OTUD7A: variants seen among roughly 807,000 people sequenced by gnomAD.
The protein encoded by OTUD7A is OTU deubiquitinase 7A, also known as OTU domain-containing protein 7A.
In OTUD7A, 12 loss-of-function variants were observed where a neutral mutation model predicts 65.7. The ratio of observed to expected loss-of-function variants is 0.18; its 90% confidence interval spans 0.12 to 0.30. The LOEUF (loss-of-function observed/expected upper bound fraction) is 0.30. Ranked by LOEUF, OTUD7A falls within the 10% of genes least tolerant of loss-of-function variation. The pLI, the probability that OTUD7A is intolerant of heterozygous loss-of-function variation, is 1.00. For missense variants in OTUD7A, 1,148 were observed against 1,304.8 expected (o/e 0.88, Z 1.85); for synonymous variants, 641 against 586.3 (o/e 1.09, Z -1.35).
intron 1 of OTUD7A, among the ~76,000 whole-genome samples, chr15:31,829,511 A>AT (rs1164154369): frequency 1.3e-5 from 2 of 152,196 alleles, no homozygotes; most frequent in Non-Finnish European, 1.5e-5. Flanking sequence ...GATACTAGAC[A>AT]TTGGGTTGTT....
intron 3 of OTUD7A, among the ~76,000 whole-genome samples, chr15:31,633,542 G>C (rs1891243640): frequency 6.6e-6 from 1 of 152,106 alleles, no homozygotes; most frequent in African/African-American, 2.4e-5. Context: ...CCCTCAAAAT[G>C]GTCGATCCAG....
intron 1 of OTUD7A, among the ~76,000 whole-genome samples, chr15:31,847,087 C>T (rs1897309757): frequency 6.6e-6 from 1 of 152,228 alleles, no homozygotes; most frequent in Admixed American, 6.5e-5. Context: ...CTGCCGTAGC[C>T]TGGGCATCCT....
At chr15:31,807,570 C>T (rs1896302543) in intron 1 of OTUD7A, among the ~76,000 whole-genome samples, 1 of 152,076 alleles carries the variant, frequency 6.6e-6, no homozygotes, top group Non-Finnish European at 1.5e-5. Flanking sequence ...CCAGTTTTGG[C>T]AGGATTATAG....
chr15:31,651,481 G>C (rs1221769452), intron 3 of OTUD7A, among the ~76,000 whole-genome samples: 1 of 151,068 alleles, frequency 6.6e-6, no homozygotes, highest in Non-Finnish European at 1.5e-5. Context: ...AATAAGACAA[G>C]AAAACCAGAA....
rs750201132 is a variant in OTUD7A, at chr15:31,484,746, G to A, written c.1372-22C>T. ...GCGCCTGTGTGGAGAGGGAGGGCCG[G>A]ATCGAAGGTGGTTAGAGAAGAGCTG... On this transcript the variant is annotated intron_variant, in intron 12 of 12. Coordinates refer to ENST00000307050, the MANE Select transcript of OTUD7A (RefSeq NM_001382637.1). The surrounding 1 kb of genome is among the most constrained non-coding windows in gnomAD (Gnocchi z 4.5). 1.3e-6 allele frequency: 2 copies of A among 1,586,442 alleles called. No homozygotes were observed. Among genetic ancestry groups the A allele is most frequent in the South Asian group, 2.3e-5 (2 of 88,710 alleles).
intron 3 of OTUD7A, among the ~76,000 whole-genome samples, chr15:31,629,674 GCTC>G (rs1432313903): frequency 3.3e-5 from 5 of 152,206 alleles, no homozygotes; most frequent in South Asian, 4.2e-4. Flanking sequence ...AATGGTACCA[GCTC>G]CTCCTTTTAC....
intron 1 of OTUD7A, among the ~76,000 whole-genome samples, chr15:31,800,106 TC>T (rs1258498747): frequency 6.6e-6 from 1 of 152,114 alleles, no homozygotes; most frequent in African/African-American, 2.4e-5. Flanking sequence ...GGAGCACACA[TC>T]CCATTTGTGG....
intron 1 of OTUD7A, among the ~76,000 whole-genome samples, chr15:31,710,243 C>T (rs969327650): frequency 7.4e-5 from 11 of 149,426 alleles, no homozygotes; most frequent in African/African-American, 2.2e-4. Flanking sequence ...ATCAGAAAAA[C>T]GTAGATATTA....
intron 1 of OTUD7A, among the ~76,000 whole-genome samples, chr15:31,739,820 C>A (rs1218957089): frequency 6.6e-6 from 1 of 152,240 alleles, no homozygotes; most frequent in Non-Finnish European, 1.5e-5. Flanking sequence ...GATCCACCCA[C>A]CTCAGCTTCC....
chr15:31,636,480 C>G (rs374961901), intron 3 of OTUD7A, among the ~76,000 whole-genome samples: 1 of 152,146 alleles, frequency 6.6e-6, no homozygotes, highest in East Asian at 1.9e-4. Flanking sequence ...TCAGGCCTCC[C>G]TATTCCCTGA....
intron 8 of OTUD7A, among the ~76,000 whole-genome samples, chr15:31,522,836 T>C (rs1240090523): frequency 6.6e-6 from 1 of 152,204 alleles, no homozygotes; most frequent in African/African-American, 2.4e-5. Context: ...CCTCTTCAGA[T>C]ACGTGACATA....
intron 1 of OTUD7A, among the ~76,000 whole-genome samples, chr15:31,815,654 G>A (rs1477419533): frequency 6.6e-6 from 1 of 152,224 alleles, no homozygotes; most frequent in Non-Finnish European, 1.5e-5. Context: ...CGGAAACAGG[G>A]CGCTAGGCTA....
intron 1 of OTUD7A, among the ~76,000 whole-genome samples, chr15:31,727,706 C>T (rs182026833): frequency 3.0e-4 from 46 of 152,324 alleles, no homozygotes; most frequent in African/African-American, 1.0e-3. Flanking sequence ...GTTACCAATA[C>T]TGTGGGTGTT....
At chr15:31,752,006 C>T (rs891244198) in intron 1 of OTUD7A, among the ~76,000 whole-genome samples, 24 of 152,062 alleles carry the variant, frequency 1.6e-4, no homozygotes, top group African/African-American at 5.8e-4. Context: ...ACACAATATA[C>T]CCTTGTAACA....
intron 8 of OTUD7A, among the ~76,000 whole-genome samples, chr15:31,517,462 A>C (rs2141106966): frequency 6.6e-6 from 1 of 152,296 alleles, no homozygotes; most frequent in Middle Eastern, 3.4e-3. Context: ...GAGATCTGGG[A>C]TTGTGGGGAG....
intron 3 of OTUD7A, among the ~76,000 whole-genome samples, chr15:31,642,308 C>T (rs1236482996): frequency 6.6e-6 from 1 of 152,170 alleles, no homozygotes. Context: ...CTGCCAAATT[C>T]GATTTGCTAA....
At chr15:31,534,192 G>A (rs757874896) in intron 5 of OTUD7A, among the ~76,000 whole-genome samples, 2 of 152,106 alleles carry the variant, frequency 1.3e-5, no homozygotes, top group African/African-American at 2.4e-5. Flanking sequence ...CAAACAAGTA[G>A]AACACAGTAA....
chr15:31,530,838 T>C (rs1217531750), intron 5 of OTUD7A, 30 bp from the exon 6 acceptor site: 2 of 1,597,722 alleles, frequency 1.3e-6, no homozygotes, highest in Non-Finnish European at 1.7e-6. Context: ...TAGAACAGGA[T>C]CCCAGAAAAG....
intron 5 of OTUD7A, among the ~76,000 whole-genome samples, chr15:31,540,510 C>T (rs1259802775): frequency 6.6e-6 from 1 of 152,162 alleles, no homozygotes; most frequent in African/African-American, 2.4e-5. Context: ...TATTTCTTAG[C>T]AGTGTGGTGT....
Sources: allele counts gnomAD v4.1 joint callset (sites outside exome capture counted in the v4.1 genomes callset), GRCh38; gene constraint gnomAD v4.1.1; non-coding constraint Gnocchi (gnomAD v3.1); transcripts MANE v1.5; gene names NCBI Gene and HGNC (gene_info 2026-07-23, HGNC 2026-07-21).